MATR3: variants seen among roughly 807,000 people sequenced by gnomAD.
MATR3 encodes matrin-3.
MATR3 carries 4 observed loss-of-function variants against 85.5 expected under a neutral mutation model. That is an observed-to-expected ratio of 0.05 (90% CI 0.02 to 0.11). The LOEUF is 0.11. Among genes scored for constraint, MATR3 ranks in the 10% least tolerant of loss-of-function variants. MATR3 has a pLI of 1.00. For synonymous variants in MATR3, 336 were observed against 343.1 expected, an observed-to-expected ratio of 0.98 and a Z score of 0.23; for missense variants, 685 against 1,016.1, an observed-to-expected ratio of 0.67 and a Z score of 4.43.
At position 139,329,760 on chromosome 5, in the gene MATR3, A is replaced by G. The variant is rs1756041423; in HGVS notation, c.*365A>G. The G allele has an allele frequency of 2.2e-6, 1 of 455,742 alleles. No homozygotes were observed. The highest frequency in any genetic ancestry group is 4.4e-6 in the Non-Finnish European group (1 of 227,668). 28.2% of individuals were successfully genotyped at this position (455,742 alleles called of 1,614,324 possible). ...ATGTCAACATTTTATTCCATTCAAT[A>G]AAGAACAAAACCAATAGTGTTTTTA... On this transcript the variant is annotated 3_prime_UTR_variant, in exon 15 of 15. Coordinates refer to ENST00000394805, the MANE Select transcript of MATR3 (RefSeq NM_018834.6).
intron 8 of MATR3, 36 bp downstream of exon 8, chr5:139,319,069 A>C (rs766006601): frequency 1.3e-6 from 2 of 1,581,188 alleles, no homozygotes; most frequent in Middle Eastern, 1.7e-4. Flanking sequence ...ATATCAGTTT[A>C]ACAAATGATT....
chr5:139,291,921 T>C (rs2151908706), upstream of MATR3: 1 of 150,938 alleles, frequency 6.6e-6, no homozygotes, highest in East Asian at 1.9e-4. Context: ...CTTTTTCACT[T>C]TATTGAATTA....
chr5:139,301,074 C>T lies in MATR3; in HGVS notation c.-177-6165C>T, dbSNP rs753316407. Among the ~76,000 whole-genome samples, 40 of 152,166 alleles carry T rather than the reference C, an allele frequency of 2.6e-4. 1 individual carries two copies. The highest frequency in any genetic ancestry group is 5.9e-5 in the Non-Finnish European group (4 of 68,030). ...AAGTGATTCTCCCACCTCAGCTTCC[C>T]AAAGTGCTAGGATTACAGCCATGAG... is the stretch of plus-strand genomic sequence containing the variant. On this transcript the variant is annotated intron_variant, in intron 1 of 14. Transcript: ENST00000394805.
upstream of MATR3, among the ~76,000 whole-genome samples, chr5:139,290,438 CTTTTTTTTTTT>C (rs762364450): frequency 2.9e-4 from 13 of 44,980 alleles, no homozygotes; most frequent in East Asian, 9.8e-4. Context: ...CCTGGCCGCT[CTTTTTTTTTTT>C]TTTTTTTTTT....
In MATR3 at chr5:139,329,675, A is replaced by G. The variant is rs1331394554; in HGVS notation, c.*280A>G. The G allele has an allele frequency of 8.2e-6, 4 of 487,052 alleles. No individual in the cohort carries two copies. The highest frequency in any genetic ancestry group is 2.0e-5 in the African/African-American group (1 of 51,086). The allele number at this position is 487,052 out of a possible 1,614,324, so 30.2% of individuals were successfully genotyped here. A position where few individuals can be genotyped will look rare whatever the true frequency, so the allele number is the denominator to read the frequency against. ...GCTACTTAAGACAACTTGCACCACT[A>G]AGAAAAAAATGTAGAACCATTTGGA... On this transcript the variant is annotated 3_prime_UTR_variant, in exon 15 of 15. Coordinates refer to ENST00000394805, the MANE Select transcript of MATR3 (RefSeq NM_018834.6).
chr5:139,294,831 A>G (rs1394970223), intron 1 of MATR3: 2 of 152,204 alleles, frequency 1.3e-5, no homozygotes, highest in East Asian at 3.8e-4. Context: ...ACCGTGGATG[A>G]ATATCCCCTA....
intron 10 of MATR3, 124 bp downstream of exon 10, chr5:139,322,153 A>G (rs1270032680): frequency 5.0e-6 from 6 of 1,211,882 alleles, no homozygotes; most frequent in Non-Finnish European, 7.1e-6. Context: ...GAAATAAGTT[A>G]TTGAAAGAGA....
chr5:139,276,317 C>T, intron 2 of MATR3: 1 of 433,604 alleles, frequency 2.3e-6, no homozygotes, highest in Middle Eastern at 4.2e-4. Context: ...AGGATGCCAG[C>T]ATAGTTGCTT....
chr5:139,315,458 A>G (rs1255270526), intron 3 of MATR3: 1 of 453,914 alleles, frequency 2.2e-6, no homozygotes, highest in East Asian at 4.0e-5. Flanking sequence ...GGAAAAACTT[A>G]ATTTCAACAT....
At chr5:139,316,319 C>CACTGCA in intron 5 of MATR3, 131 bp downstream of exon 5, 2 of 691,808 alleles carry the variant, frequency 2.9e-6, no homozygotes, top group Non-Finnish European at 5.2e-6. Context: ...GATCTCGACT[C>CACTGCA]ACTGCAACCT....
At chr5:139,321,709 G>A in intron 9 of MATR3, 189 bp from the exon 10 acceptor site, 1 of 613,156 alleles carries the variant, frequency 1.6e-6, no homozygotes, top group South Asian at 2.0e-5. Flanking sequence ...GTTGGGCCCA[G>A]TACATCAACG....
exon 3 of MATR3, chr5:139,279,089 C>T (rs745898033): frequency 4.4e-6 from 2 of 457,010 alleles, no homozygotes; most frequent in South Asian, 1.5e-5. Context: ...CATCAGGACC[C>T]CAGATGTCTG....
chr5:139,276,731 G>A (rs374785303), intron 2 of MATR3, among the ~76,000 whole-genome samples: 2 of 152,218 alleles, frequency 1.3e-5, no homozygotes, highest in South Asian at 2.1e-4. Context: ...AGGGCTCAAA[G>A]GGGGCCAGAT....
chr5:139,276,273 C>T (rs1753272579), intron 2 of MATR3: 1 of 453,348 alleles, frequency 2.2e-6, no homozygotes. Context: ...GCATTCTGGC[C>T]CTGGTTCATG....
intron 3 of MATR3, among the ~76,000 whole-genome samples, chr5:139,281,334 C>A (rs1753511380): frequency 6.6e-6 from 1 of 151,172 alleles, no homozygotes; most frequent in Non-Finnish European, 1.5e-5. Context: ...CTCTGCCTGG[C>A]CTCGAAGTAG....
chr5:139,317,025 A>G (rs1411483575), intron 5 of MATR3, 28 bp from the exon 6 acceptor site: 28 of 1,604,960 alleles, frequency 1.7e-5, no homozygotes, highest in South Asian at 2.2e-5. Context: ...AGTGATTACA[A>G]GACTGAAAAC....
chr5:139,318,597 T>G (rs936301446), intron 7 of MATR3, among the ~76,000 whole-genome samples: 5 of 150,792 alleles, frequency 3.3e-5, no homozygotes, highest in South Asian at 2.1e-4. Flanking sequence ...CGTCCACCAT[T>G]ACGCCCAGCT....
At chr5:139,293,529 C>G (rs1753955761), upstream of MATR3, 2 of 156,954 alleles carry the variant, frequency 1.3e-5, no homozygotes, top group South Asian at 4.1e-4. Flanking sequence ...CCCGCCTCAG[C>G]TGGATGACGG....
At chr5:139,326,327 A>G (rs1259516958) in intron 14 of MATR3, 43 bp downstream of exon 14, 4 of 1,602,654 alleles carry the variant, frequency 2.5e-6, no homozygotes, top group Non-Finnish European at 2.6e-6. Context: ...AAACTTAACA[A>G]GTTATGGAAA....
Sources: gnomAD v4.1 joint callset for allele counts (sites outside exome capture counted in the v4.1 genomes callset) on GRCh38, gnomAD v4.1.1 for gene constraint, MANE v1.5 for transcripts, NCBI Gene and HGNC (gene_info 2026-07-23, HGNC 2026-07-21) for gene names.